The following SGSH variants were observed in gnomAD, a reference collection of about 807,000 sequenced individuals.
SGSH encodes the protein N-sulfoglucosamine sulfohydrolase.
A neutral mutation model predicts 51.0 loss-of-function variants in SGSH; 48 were observed. The ratio of observed to expected loss-of-function variants is 0.94; its 90% CI spans 0.75 to 1.20. The LOEUF (loss-of-function observed/expected upper bound fraction) is 1.20. Among genes scored for constraint, SGSH ranks in the 50% most tolerant of loss-of-function variants. The pLI is 0.00. For synonymous variants in SGSH, 321 were observed against 313.4 expected (o/e 1.02, Z -0.26); for missense variants, 662 against 717.8 (o/e 0.92, Z 0.89).
At chr17:80,202,533 AC>A (rs201325195), downstream of SGSH, 8 of 1,495,164 alleles carry the variant, frequency 5.4e-6, no homozygotes, top group East Asian at 9.7e-5. Flanking sequence ...GCGTGGTGAG[AC>A]CCCCCTAAGG....
chr17:80,212,460 C>A lies in SGSH; in HGVS notation c.746-186G>T. On this transcript the variant is annotated intron_variant, in intron 6 of 7. Coordinates refer to ENST00000326317, the MANE Select transcript of SGSH (RefSeq NM_000199.5). The surrounding 1 kb of genome is among the most constrained non-coding windows in gnomAD (Gnocchi z 5.9). The stretch of plus-strand genomic sequence containing the variant: ...CCAGCTCTTGCCCAGCTCCGCCCAG[C>A]TCCCATTCCCTGAGCAGGCCTCGAA... The A allele has an allele frequency of 1.5e-6, 1 of 652,320 alleles. No homozygotes were observed. The allele number at this position is 652,320 out of a possible 1,614,324, so 40.4% of individuals were successfully genotyped here.
At chr17:80,204,363 C>G, downstream of SGSH, 1 of 1,531,824 alleles carries the variant, frequency 6.5e-7, no homozygotes, top group Non-Finnish European at 8.8e-7. Context: ...TGAGCTGGCA[C>G]AGGGGCCACT....
chr17:80,201,851 T>C, downstream of SGSH: 2 of 1,613,700 alleles, frequency 1.2e-6, no homozygotes, highest in Non-Finnish European at 1.7e-6. The surrounding 1 kb of genome is among the most constrained non-coding windows in gnomAD (Gnocchi z 5.0). Context: ...GCTGCCTGTC[T>C]GTGAAGGTCA....
At chr17:80,204,097 G>T, downstream of SGSH, 1 of 936,354 alleles carries the variant, frequency 1.1e-6, no homozygotes, top group South Asian at 1.7e-5. Context: ...CACACCTCAG[G>T]CTGTTCTCAG....
At position 80,209,427 on chromosome 17, in the gene SGSH, C is replaced by T. The variant is rs973211220; in HGVS notation, c.*1025G>A. On this transcript the variant is annotated 3_prime_UTR_variant, in exon 8 of 8. Transcript: ENST00000326317. The stretch of plus-strand genomic sequence containing the variant: ...CTACTCAAGGAAGCGCCCTCTCCTT[C>T]GAGGGGTGTCCAGGCCGAGGGGTGT... 5 of 984,408 alleles carry T rather than the reference C, an allele frequency of 5.1e-6. No individual in the cohort carries two copies. In the African/African-American group the frequency reaches 5.2e-5, roughly 10 times the overall value. 61.0% of individuals were successfully genotyped at this position (984,408 alleles called of 1,614,324 possible). A position where few individuals can be genotyped will look rare whatever the true frequency, so the allele number is the denominator to read the frequency against.
chr17:80,214,143 G>A (rs375949842), intron 5 of SGSH, 29 bp downstream of exon 5: 132 of 1,593,948 alleles, frequency 8.3e-5, no homozygotes, highest in Middle Eastern at 3.3e-4. Context: ...GCTGACGGGC[G>A]TCCTGAAACA....
chr17:80,217,013 C>T lies in SGSH; in HGVS notation c.249+19G>A, dbSNP rs372274963. ...GTCTACTCCCTGCCCACCCCCTCCT[C>T]CCGCCCCTTGCACCTCACCTGGGGC... is the stretch of plus-strand genomic sequence containing the variant. On this transcript the variant is annotated intron_variant, in intron 2 of 7. Coordinates refer to ENST00000326317, the MANE Select transcript of SGSH (RefSeq NM_000199.5). 13 of 1,539,194 alleles carry T rather than the reference C, an allele frequency of 8.4e-6. No homozygotes were observed. The African/African-American group carries it at 1.6e-4, about 19-fold the overall frequency.
Position 80,213,777 on chromosome 17 carries a change from C to T in SGSH, c.745+27G>A, listed in dbSNP as rs753497239. On this transcript the variant is annotated intron_variant, in intron 6 of 7. Transcript: ENST00000326317. The surrounding 1 kb of genome is among the most constrained non-coding windows in gnomAD (Gnocchi z 4.6). ...TGGGGGACCCCGGCCGTGGCACCCC[C>T]TCCAGTGCCCGGTTCTGCAAGCCCA... The T allele has an allele frequency of 2.5e-5, 40 of 1,577,198 alleles. No individual in the cohort carries two copies. Among genetic ancestry groups the T allele is most frequent in the Non-Finnish European group, 3.2e-5 (37 of 1,165,304 alleles).
chr17:80,217,258 AG>A, intron 1 of SGSH, 66 bp from the exon 2 acceptor site: 1 of 1,546,456 alleles, frequency 6.5e-7, no homozygotes, highest in Non-Finnish European at 8.7e-7. Context: ...ACTGGGAGTG[AG>A]GGAGGCTGGG....
At chr17:80,206,881 C>T (rs952955769), downstream of SGSH, 16 of 827,716 alleles carry the variant, frequency 1.9e-5, no homozygotes, top group Admixed American at 5.1e-5. Context: ...TCAGCCTGTC[C>T]GGAGGGCCCT....
downstream of SGSH, chr17:80,207,229 C>A: frequency 1.7e-6 from 1 of 598,062 alleles, no homozygotes; most frequent in Non-Finnish European, 2.9e-6. Context: ...AACTTTGGGA[C>A]AAGGGCCCCG....
At chr17:80,200,772 GT>G in the SGSH span, 1 of 158,698 alleles carries the variant, frequency 6.3e-6, no homozygotes, top group Non-Finnish European at 1.4e-5. Flanking sequence ...CCCTGAGCTT[GT>G]TTTCCTGCAA....
chr17:80,207,050 C>T (rs146356100), downstream of SGSH: 1,806 of 1,613,956 alleles, frequency 1.1e-3, 17 homozygotes, highest in African/African-American at 0.02. Context: ...TCGTCATCCA[C>T]GTCTCTGTCA....
chr17:80,207,443 C>T (rs62074417), downstream of SGSH, among the ~76,000 whole-genome samples: 7 of 152,052 alleles, frequency 4.6e-5, no homozygotes, highest in Admixed American at 2.0e-4. Flanking sequence ...CCCAGCTACT[C>T]GGGAGGCTGA....
downstream of SGSH, chr17:80,201,880 C>T: frequency 1.9e-6 from 3 of 1,605,930 alleles, no homozygotes; most frequent in South Asian, 1.1e-5. The surrounding 1 kb of genome is among the most constrained non-coding windows in gnomAD (Gnocchi z 5.0). Flanking sequence ...GGTACACATA[C>T]CACTCCTCTC....
downstream of SGSH, chr17:80,201,867 G>C: frequency 6.2e-7 from 1 of 1,612,414 alleles, no homozygotes; most frequent in Non-Finnish European, 8.5e-7. The surrounding 1 kb of genome is among the most constrained non-coding windows in gnomAD (Gnocchi z 5.0). Context: ...GGTCAACACG[G>C]ACGGTACACA....
downstream of SGSH, chr17:80,205,321 T>A: frequency 1.7e-6 from 2 of 1,151,798 alleles, no homozygotes; most frequent in Non-Finnish European, 1.2e-6. Flanking sequence ...CCACGCACAT[T>A]CCCACACTCA....
chr17:80,201,556 G>A, the SGSH span: 275 of 640,064 alleles, frequency 4.3e-4, 1 homozygote, highest in Non-Finnish European at 6.4e-4. This position sits in a 1 kb window ranked among gnomAD's most constrained non-coding sequence, Gnocchi z 5.0. Context: ...TGTGTAGCAC[G>A]CATCACTAGA....
intron 7 of SGSH, 156 bp downstream of exon 7, chr17:80,211,915 T>C (rs2041681559): frequency 1.4e-6 from 1 of 693,202 alleles, no homozygotes; most frequent in African/African-American, 1.8e-5. Flanking sequence ...TGAGCCTCAT[T>C]CTTTTCCTCT....
Sources: gnomAD v4.1 joint callset for allele counts (sites outside exome capture counted in the v4.1 genomes callset) on GRCh38, gnomAD v4.1.1 for gene constraint, Gnocchi (gnomAD v3.1) non-coding constraint, MANE v1.5 for transcripts, NCBI Gene and HGNC (gene_info 2026-07-23, HGNC 2026-07-21) for gene names.